Variants in NSD1 observed in about 807,000 individuals in gnomAD.
NSD1 encodes the protein histone-lysine N-methyltransferase, H3 lysine-36 specific.
In NSD1, 26 loss-of-function variants were observed where a neutral mutation model predicts 242.7. That is an observed-to-expected ratio of 0.11 (90% CI 0.08 to 0.15). The LOEUF is 0.15. Among genes scored for constraint, NSD1 ranks in the 10% least tolerant of loss-of-function variants. The pLI is 1.00. For missense variants in NSD1, 2,495 were observed against 3,272.8 expected (o/e 0.76, Z 5.80); for synonymous variants, 1,106 against 1,178.1 (o/e 0.94, Z 1.25).
chr5:177,175,796 A>T (rs1760143245), intron 2 of NSD1, among the ~76,000 whole-genome samples: 1 of 152,228 alleles, frequency 6.6e-6, no homozygotes, highest in Non-Finnish European at 1.5e-5. Flanking sequence ...AATACTCTCC[A>T]GATGGCAAGT....
intron 3 of NSD1, among the ~76,000 whole-genome samples, chr5:177,202,594 G>T (rs1207590031): frequency 2.0e-5 from 3 of 151,978 alleles, no homozygotes; most frequent in African/African-American, 7.3e-5. Context: ...TCCCAGGCTG[G>T]TCTCGAACTC....
chr5:177,144,963 T>G (rs1231211957), intron 2 of NSD1, among the ~76,000 whole-genome samples: 2 of 151,692 alleles, frequency 1.3e-5, no homozygotes, highest in Non-Finnish European at 2.9e-5. Context: ...CACGTGCCTG[T>G]AGTCCCAGCT....
At chr5:177,253,819 G>A (rs1442213072) in intron 12 of NSD1, among the ~76,000 whole-genome samples, 1 of 151,996 alleles carries the variant, frequency 6.6e-6, no homozygotes, top group Non-Finnish European at 1.5e-5. Flanking sequence ...TATTTTTGTA[G>A]AGACAGGATT....
intron 17 of NSD1, among the ~76,000 whole-genome samples, chr5:177,279,354 C>T (rs1010513760): frequency 2.0e-5 from 3 of 152,100 alleles, no homozygotes; most frequent in African/African-American, 7.2e-5. Flanking sequence ...AAAAATTAGC[C>T]GGGCTTGGTG....
intron 2 of NSD1, among the ~76,000 whole-genome samples, chr5:177,152,351 A>T (rs559465231): frequency 6.8e-6 from 1 of 147,224 alleles, no homozygotes; most frequent in African/African-American, 2.5e-5. Flanking sequence ...GTATGTATGT[A>T]TGTATGTATG....
At chr5:177,149,665 T>C (rs1044912446) in intron 2 of NSD1, among the ~76,000 whole-genome samples, 3 of 152,160 alleles carry the variant, frequency 2.0e-5, no homozygotes, top group Non-Finnish European at 4.4e-5. Context: ...CACGCATTAG[T>C]TAGAATCTCA....
intron 10 of NSD1, among the ~76,000 whole-genome samples, chr5:177,247,599 G>GT (rs1766405285): frequency 6.6e-6 from 1 of 151,938 alleles, no homozygotes; most frequent in South Asian, 2.1e-4. Flanking sequence ...GACTGCTGTG[G>GT]TTAGCGGGAA....
At chr5:177,171,230 CA>C (rs1450227148) in intron 2 of NSD1, among the ~76,000 whole-genome samples, 4 of 151,776 alleles carry the variant, frequency 2.6e-5, no homozygotes, top group Non-Finnish European at 4.4e-5. Flanking sequence ...TCGCTTGAAC[CA>C]GGGGGGCAGA....
In NSD1 at chr5:177,295,194, C is replaced by T; in HGVS notation, c.7826C>T (p.Ser2609Phe). ...SFRSLGKAPA[S>F]LPTEEKKLVT... is the part of the protein sequence containing the mutation. The stretch of plus-strand genomic sequence containing the variant: ...AGGTCTCTCGGGAAGGCCCCAGCCT[C>T]CCTCCCCACTGAAGAAAAGAAGTTG... Residue 2609 changes from serine (S) to phenylalanine (F), a missense_variant, in exon 23 of 23, where the codon TCC becomes TTC. Ser to Phe is a radical substitution (Grantham distance 155, BLOSUM62 -2). Transcript: ENST00000439151. The surrounding 1 kb of genome is among the most constrained non-coding windows in gnomAD (Gnocchi z 4.3). 6.2e-7 allele frequency: 1 copy of T among 1,614,212 alleles called. No individual in the cohort carries two copies. The highest frequency in any genetic ancestry group is 8.5e-7 in the Non-Finnish European group (1 of 1,180,038).
chr5:177,208,073 A>G (rs1763041293), intron 4 of NSD1, among the ~76,000 whole-genome samples: 2 of 152,112 alleles, frequency 1.3e-5, no homozygotes, highest in Admixed American at 1.3e-4. Flanking sequence ...AATGATCTGA[A>G]TGTTTACTTG....
intron 8 of NSD1, among the ~76,000 whole-genome samples, chr5:177,241,833 A>G (rs1350390169): frequency 6.6e-6 from 1 of 152,168 alleles, no homozygotes; most frequent in Non-Finnish European, 1.5e-5. Context: ...ATTCAGTTCC[A>G]TTTTAGTTTA....
At chr5:177,273,831 A>G (rs538695248) in intron 17 of NSD1, 47 bp downstream of exon 17, 1 of 1,242,040 alleles carries the variant, frequency 8.1e-7, no homozygotes, top group East Asian at 2.3e-5. Context: ...GAAATGGAAT[A>G]GCTGGCTCTT....
chr5:177,232,569 G>A (rs7724098), intron 5 of NSD1, among the ~76,000 whole-genome samples: 126,543 of 152,188 alleles, frequency 0.83, 53,340 homozygotes, highest in East Asian at 1. Context: ...TGTATCTTTT[G>A]CATGCACAGC....
chr5:177,145,604 A>C (rs1403209653), intron 2 of NSD1, among the ~76,000 whole-genome samples: 1 of 152,092 alleles, frequency 6.6e-6, no homozygotes, highest in African/African-American at 2.4e-5. Flanking sequence ...GTTGATTCAC[A>C]TGCAGTTGTA....
intron 2 of NSD1, among the ~76,000 whole-genome samples, chr5:177,186,116 A>G (rs924233198): frequency 8.3e-6 from 1 of 120,066 alleles, no homozygotes. Flanking sequence ...TTATATGTAT[A>G]TTTATATATA....
chr5:177,245,636 T>C (rs904830335), intron 9 of NSD1, among the ~76,000 whole-genome samples: 15 of 151,424 alleles, frequency 9.9e-5, no homozygotes, highest in South Asian at 4.2e-4. Context: ...TTCTTTCTTT[T>C]TTTTTTTTTT....
intron 14 of NSD1, chr5:177,265,504 G>T: frequency 1.5e-6 from 1 of 675,318 alleles, no homozygotes. Context: ...AGAGAGGAAG[G>T]GGGAGCCCCA....
At chr5:177,164,446 T>C (rs961529394) in intron 2 of NSD1, among the ~76,000 whole-genome samples, 7 of 151,882 alleles carry the variant, frequency 4.6e-5, no homozygotes, top group African/African-American at 1.7e-4. Flanking sequence ...TGTGAGCCAC[T>C]GCGCCCGGGC....
At chr5:177,153,204 TTC>T (rs900986379) in intron 2 of NSD1, among the ~76,000 whole-genome samples, 1 of 147,130 alleles carries the variant, frequency 6.8e-6, no homozygotes, top group Non-Finnish European at 1.5e-5. Context: ...GAATTTCTTT[TTC>T]TGTTTTTTTT....
Sources: allele counts gnomAD v4.1 joint callset (sites outside exome capture counted in the v4.1 genomes callset), GRCh38; gene constraint gnomAD v4.1.1; non-coding constraint Gnocchi (gnomAD v3.1); transcripts MANE v1.5; gene names NCBI Gene and HGNC (gene_info 2026-07-23, HGNC 2026-07-21).